The following KDM3A variants were observed in gnomAD, a reference collection of about 807,000 sequenced individuals.
KDM3A encodes lysine demethylase 3A, also known as lysine-specific demethylase 3A.
Under a neutral mutation model 158.0 loss-of-function variants are expected in KDM3A, and 60 were observed. That is an observed-to-expected ratio of 0.38 (90% CI 0.31 to 0.47). The LOEUF is 0.47. Among genes scored for constraint, KDM3A ranks in the 20% least tolerant of loss-of-function variants. KDM3A has a pLI of 0.99. For missense variants in KDM3A, 1,319 were observed against 1,574.3 expected, an observed-to-expected ratio of 0.84 and a Z score of 2.74; for synonymous variants, 608 against 549.3, an observed-to-expected ratio of 1.11 and a Z score of -1.49.
upstream of KDM3A, among the ~76,000 whole-genome samples, chr2:86,437,849 C>T (rs555359410): frequency 6.6e-6 from 1 of 152,120 alleles, no homozygotes; most frequent in East Asian, 1.9e-4. Context: ...GTTTGTTGAT[C>T]TTTTATTGCA....
intron 8 of KDM3A, among the ~76,000 whole-genome samples, chr2:86,457,796 G>T (rs1346795439): frequency 6.6e-6 from 1 of 152,118 alleles, no homozygotes; most frequent in African/African-American, 2.4e-5. Context: ...GTATTTCAAG[G>T]AAAGTGATTG....
In KDM3A at chr2:86,466,391, C is replaced by T. The variant is rs1007527314; in HGVS notation, c.1027C>T (p.Pro343Ser). ...IPQGCHKQSL[P>S]EEISSCLNTK... ...TTTCAGATGTCATAAACAAAGTTTA[C>T]CAGAGGAAATTTCTTCCTGTCTAAA... The change falls in exon 10 of 26, where the codon CCA becomes TCA. Residue 343 changes from proline to serine, a missense_variant. Around this residue, in one of 4 missense-constraint regions of KDM3A, gnomAD observed 652 missense variants for 627.2 expected, o/e 1.04. Coordinates refer to ENST00000312912, the MANE Select transcript of KDM3A (RefSeq NM_018433.6). The T allele has an allele frequency of 6.8e-6, 11 of 1,610,558 alleles. No homozygotes were observed. The highest frequency in any genetic ancestry group is 1.1e-5 in the South Asian group (1 of 90,730).
chr2:86,446,535 C>G (rs1682963439), intron 2 of KDM3A, among the ~76,000 whole-genome samples: 1 of 152,152 alleles, frequency 6.6e-6, no homozygotes, highest in African/African-American at 2.4e-5. Flanking sequence ...ATGGTGAAAC[C>G]CAGTCTCTAC....
chr2:86,441,980 G>C, intron 1 of KDM3A, 38 bp from the exon 2 acceptor site: 41 of 1,138,052 alleles, frequency 3.6e-5, no homozygotes, highest in Non-Finnish European at 4.6e-5. Flanking sequence ...CCCTCCCACC[G>C]GCCGCCCCCG....
rs116009970 is a variant in KDM3A at position 86,465,406 on chromosome 2, G to T, written c.1008-966G>T. ...TGTTAGTTTTTTTTTAGTTTTTGAGGTTTTTTAGAGACAGGATCTTGCTCT... is the reference window on the plus strand; with the variant it reads ...TGTTAGTTTTTTTTTAGTTTTTGAGTTTTTTTAGAGACAGGATCTTGCTCT... On this transcript the variant is annotated intron_variant, in intron 9 of 25. Transcript: ENST00000312912. 9.5e-3 allele frequency among the ~76,000 whole-genome samples: 1,446 copies of T among 152,126 alleles called. 8 individuals are homozygous for T. The highest frequency in any genetic ancestry group is 0.015 in the Non-Finnish European group (997 of 67,972).
Position 86,471,502 on chromosome 2 carries a change from C to T in KDM3A, c.1724+1094C>T, listed in dbSNP as rs189933504. On this transcript the variant is annotated intron_variant, in intron 11 of 25. Coordinates refer to ENST00000312912, the MANE Select transcript of KDM3A (RefSeq NM_018433.6). Reference sequence around the variant, plus strand: ...AATGAACAGTGTTGGTATAGTTGAACTTGAGATATAATTCACTTTCTCAGA... The same window carrying T: ...AATGAACAGTGTTGGTATAGTTGAATTTGAGATATAATTCACTTTCTCAGA... Among the ~76,000 whole-genome samples, 24 of 152,176 alleles carry T rather than the reference C, an allele frequency of 1.6e-4. No homozygotes were observed. The East Asian group carries it at 4.4e-3, about 28-fold the overall frequency.
chr2:86,476,129 A>G (rs1284193095), intron 12 of KDM3A, among the ~76,000 whole-genome samples: 1 of 152,204 alleles, frequency 6.6e-6, no homozygotes, highest in African/African-American at 2.4e-5. Context: ...TTAGTTTTCC[A>G]TTTTCAATAG....
rs1169916397 is a variant in KDM3A at position 86,482,531 on chromosome 2, C to T, written c.2759C>T (p.Thr920Ile). 3 of 1,614,040 alleles carry T rather than the reference C, an allele frequency of 1.9e-6. No individual in the cohort carries two copies. Among genetic ancestry groups the T allele is most frequent in the Non-Finnish European group, 2.5e-6 (3 of 1,180,032 alleles). Residue 920 changes from threonine (T) to isoleucine (I), a missense_variant, in exon 18 of 26, where the codon ACT (threonine) becomes ATT (isoleucine). By Grantham distance (89) the Thr-to-Ile change is moderately conservative. Around this residue, in one of 4 missense-constraint regions of KDM3A, gnomAD observed 368 missense variants for 415.8 expected, o/e 0.89. Transcript: ENST00000312912. ...GCCTCTTTGGTGCAAAATAAGACGA[C>T]TTCTGATTTATCTAAGAGGCCTCAA... ...IFASLVQNKT[T>I]SDLSKRPQGL... is the part of the protein sequence containing the mutation.
intron 11 of KDM3A, among the ~76,000 whole-genome samples, chr2:86,473,639 A>G (rs1361542719): frequency 1.3e-5 from 2 of 152,132 alleles, no homozygotes; most frequent in Non-Finnish European, 2.9e-5. Flanking sequence ...CTTCCCAGCC[A>G]CTTGAGAGGC....
chr2:86,472,361 T>A (rs1673457883), intron 11 of KDM3A, among the ~76,000 whole-genome samples: 2 of 152,156 alleles, frequency 1.3e-5, no homozygotes, highest in African/African-American at 4.8e-5. Context: ...TTTTTCCTGA[T>A]GTTTAGAGTG....
At chr2:86,461,272 G>A (rs1243237417) in intron 8 of KDM3A, among the ~76,000 whole-genome samples, 1 of 152,060 alleles carries the variant, frequency 6.6e-6, no homozygotes, top group Non-Finnish European at 1.5e-5. Context: ...AAAAATAGCA[G>A]ATTTCTCCTT....
chr2:86,438,990 G>C (rs1020332022), upstream of KDM3A, among the ~76,000 whole-genome samples: 2 of 151,946 alleles, frequency 1.3e-5, no homozygotes, highest in African/African-American at 2.4e-5. Context: ...TCCAACTGGA[G>C]TACACTTAGG....
intron 25 of KDM3A, chr2:86,491,585 C>T (rs942478655): frequency 5.1e-6 from 2 of 393,740 alleles, no homozygotes; most frequent in Non-Finnish European, 9.4e-6. Flanking sequence ...GGGTCTTGAA[C>T]ACAGTGCTTA....
chr2:86,452,421 T>A (rs55828608), intron 4 of KDM3A, among the ~76,000 whole-genome samples: 20,453 of 152,152 alleles, frequency 0.13, 1,503 homozygotes, highest in Middle Eastern at 0.16. Flanking sequence ...CAATTGGTTG[T>A]TGAAAATGTG....
At chr2:86,447,438 A>G (rs1455893834) in intron 2 of KDM3A, among the ~76,000 whole-genome samples, 1 of 146,802 alleles carries the variant, frequency 6.8e-6, no homozygotes, top group Non-Finnish European at 1.5e-5. Context: ...TAAGATCTTA[A>G]TCCTTCTTAA....
chr2:86,466,312 G>T, intron 9 of KDM3A, 60 bp from the exon 10 acceptor site: 23 of 1,487,700 alleles, frequency 1.5e-5, no homozygotes, highest in Non-Finnish European at 2.0e-5. Context: ...TTTGTTTGGG[G>T]AAGATAATGG....
At chr2:86,445,555 T>A (rs1292910876) in intron 2 of KDM3A, among the ~76,000 whole-genome samples, 1 of 152,200 alleles carries the variant, frequency 6.6e-6, no homozygotes, top group Non-Finnish European at 1.5e-5. Flanking sequence ...CCTACCTGTT[T>A]CTTGCGTCTA....
chr2:86,459,825 TG>T (rs1415739323), intron 8 of KDM3A, among the ~76,000 whole-genome samples: 1 of 152,184 alleles, frequency 6.6e-6, no homozygotes. Flanking sequence ...AGCTGATTGT[TG>T]GGCACATTAG....
At chr2:86,438,748 T>C (rs948028335), upstream of KDM3A, among the ~76,000 whole-genome samples, 1 of 152,180 alleles carries the variant, frequency 6.6e-6, no homozygotes, top group Non-Finnish European at 1.5e-5. Flanking sequence ...CTAATACCAG[T>C]AACCATTACT....
Sources: gnomAD v4.1 joint callset for allele counts (sites outside exome capture counted in the v4.1 genomes callset) on GRCh38, gnomAD v4.1.1 for gene constraint, gnomAD v4.1.1 regional missense constraint, MANE v1.5 for transcripts, NCBI Gene and HGNC (gene_info 2026-07-23, HGNC 2026-07-21) for gene names.